RCAN1: variants seen among roughly 807,000 people sequenced by gnomAD.
RCAN1 encodes regulator of calcineurin 1, also known as calcipressin-1.
Under a neutral mutation model 22.9 loss-of-function variants are expected in RCAN1, and 11 were observed. The observed-to-expected ratio is 0.48, with a 90% CI of 0.30 to 0.79. The LOEUF is 0.79. Among genes scored for constraint, RCAN1 ranks in the 30% least tolerant of loss-of-function variants. The probability of loss-of-function intolerance (pLI) is 0.06; values close to 1 mark genes in which losing one functional copy is unlikely to be tolerated. For synonymous variants in RCAN1, 136 were observed against 142.3 expected, an observed-to-expected ratio of 0.96 and a Z score of 0.32; for missense variants, 291 against 337.8, an observed-to-expected ratio of 0.86 and a Z score of 1.09.
intron 1 of RCAN1, chr21:34,525,393 G>A (rs1984973365): frequency 6.9e-7 from 1 of 1,446,630 alleles, no homozygotes; most frequent in Non-Finnish European, 9.1e-7. Flanking sequence ...GGAACGCGGA[G>A]CTGGCGGACG....
rs143232220 is a variant in RCAN1 at position 34,527,618 on chromosome 21, A to G, written c.253-3908T>C. Among the ~76,000 whole-genome samples, 745 of 152,318 alleles carry G rather than the reference A, an allele frequency of 4.9e-3. 13 individuals are homozygous for G. Among genetic ancestry groups the G allele is most frequent in the African/African-American group, 0.017 (698 of 41,566 alleles). Reference sequence around the variant, plus strand: ...TTTCAAAGCACTACTGAATTCAGGCAAAGGATACAAAAACACTAGCCTTTG... The same window carrying G: ...TTTCAAAGCACTACTGAATTCAGGCGAAGGATACAAAAACACTAGCCTTTG... On this transcript the variant is annotated intron_variant, in intron 1 of 3. Coordinates refer to ENST00000313806, the MANE Select transcript of RCAN1 (RefSeq NM_004414.7).
At chr21:34,605,786 G>A (rs1988505133) in intron 1 of RCAN1, among the ~76,000 whole-genome samples, 1 of 152,076 alleles carries the variant, frequency 6.6e-6, no homozygotes, top group African/African-American at 2.4e-5. Context: ...CGGGCGTGGT[G>A]GCAGGCACCT....
chr21:34,575,303 T>C (rs192919631), intron 1 of RCAN1, among the ~76,000 whole-genome samples: 48 of 152,302 alleles, frequency 3.2e-4, no homozygotes, highest in Non-Finnish European at 3.4e-4. Context: ...GCTCATTTGC[T>C]AGTAGCAGCA....
intron 1 of RCAN1, among the ~76,000 whole-genome samples, chr21:34,584,498 C>T (rs1987723553): frequency 6.6e-6 from 1 of 152,208 alleles, no homozygotes; most frequent in African/African-American, 2.4e-5. Flanking sequence ...ATACATCCCT[C>T]TTGCAAAAAA....
intron 1 of RCAN1, among the ~76,000 whole-genome samples, chr21:34,544,448 G>A (rs568194806): frequency 1.3e-4 from 20 of 152,258 alleles, no homozygotes; most frequent in African/African-American, 4.3e-4. Flanking sequence ...AGACAGGAAC[G>A]CAGCCCAGGA....
chr21:34,588,146 G>A (rs186638354), intron 1 of RCAN1, among the ~76,000 whole-genome samples: 7 of 152,232 alleles, frequency 4.6e-5, no homozygotes, highest in Non-Finnish European at 8.8e-5. Flanking sequence ...TCTGGAGAAC[G>A]CTGTAGTCAA....
At chr21:34,530,577 C>T (rs1229888808) in intron 1 of RCAN1, among the ~76,000 whole-genome samples, 2 of 140,580 alleles carry the variant, frequency 1.4e-5, no homozygotes, top group Admixed American at 7.1e-5. Context: ...ATGACAGTTA[C>T]ATTTTATTTC....
intron 1 of RCAN1, among the ~76,000 whole-genome samples, chr21:34,538,928 G>C (rs1185289169): frequency 6.6e-6 from 1 of 152,174 alleles, no homozygotes. Context: ...GGAATTAGAA[G>C]GCTCCAGACT....
rs1450659499 is a variant in RCAN1 at position 34,562,873 on chromosome 21, C to T, written c.253-39163G>A. ...ACGCACAGTAGGATATTCTTATCTA[C>T]GATAATCAGAGATCCTATTCATGTT... On this transcript the variant is annotated intron_variant, in intron 1 of 3. Coordinates refer to ENST00000313806, the MANE Select transcript of RCAN1 (RefSeq NM_004414.7). 9.9e-5 allele frequency among the ~76,000 whole-genome samples: 15 copies of T among 152,284 alleles called. No individual in the cohort carries two copies. The East Asian group carries it at 2.3e-3, about 23-fold the overall frequency.
chr21:34,551,582 G>A (rs527598956), intron 1 of RCAN1, among the ~76,000 whole-genome samples: 1 of 152,234 alleles, frequency 6.6e-6, no homozygotes, highest in East Asian at 1.9e-4. Flanking sequence ...AAATACAGCT[G>A]CTGAAGTTTC....
At chr21:34,581,408 G>A (rs1230481704) in intron 1 of RCAN1, among the ~76,000 whole-genome samples, 1 of 152,148 alleles carries the variant, frequency 6.6e-6, no homozygotes, top group East Asian at 1.9e-4. Context: ...TCAGAGAGCT[G>A]AAAAATGAAT....
chr21:34,576,574 A>T (rs1215331658), intron 1 of RCAN1, among the ~76,000 whole-genome samples: 1 of 152,216 alleles, frequency 6.6e-6, no homozygotes, highest in Non-Finnish European at 1.5e-5. Context: ...TAAAAATAAA[A>T]CGCAAATCAG....
intron 1 of RCAN1, chr21:34,613,874 C>A: frequency 3.6e-6 from 5 of 1,398,260 alleles, no homozygotes; most frequent in East Asian, 2.7e-5. Context: ...CACAGCCAAG[C>A]GCTGAAAGCA....
At chr21:34,525,922 C>A (rs565409523) in intron 1 of RCAN1, among the ~76,000 whole-genome samples, 1 of 152,028 alleles carries the variant, frequency 6.6e-6, no homozygotes, top group East Asian at 1.9e-4. Flanking sequence ...AAGAAACCTT[C>A]GCATGTCCCA....
At position 34,521,524 on chromosome 21, in the gene RCAN1, T is replaced by C. The variant is rs371919322; in HGVS notation, c.561A>G (p.Leu187=). The change falls in exon 3 of 4, where the codon TTA becomes TTG. Residue 187 remains leucine (L), a synonymous_variant. Transcript: ENST00000313806. ...CTGGCCCCAGCTTGGAGATGGCATA[T>C]AAGAGATCATAGTTTATGACTGGGG... The part of the protein sequence containing the change: ...DATPVINYDL[L]YAISKLGPGE... 3.5e-5 allele frequency: 56 copies of C among 1,614,064 alleles called. No homozygotes were observed. The highest frequency in any genetic ancestry group is 4.6e-5 in the Non-Finnish European group (54 of 1,180,042).
chr21:34,592,476 A>G (rs1210934860), intron 1 of RCAN1, among the ~76,000 whole-genome samples: 1 of 152,214 alleles, frequency 6.6e-6, no homozygotes, highest in East Asian at 1.9e-4. Flanking sequence ...TTACAGTTCA[A>G]GCAGAGGGGA....
intron 1 of RCAN1, among the ~76,000 whole-genome samples, chr21:34,542,022 C>T (rs2834517): frequency 0.24 from 36,330 of 152,002 alleles, 5,037 homozygotes; most frequent in African/African-American, 0.38. Context: ...AAAATAAATA[C>T]ATTGGACAAA....
At chr21:34,551,577 C>T (rs1346897638) in intron 1 of RCAN1, among the ~76,000 whole-genome samples, 4 of 152,190 alleles carry the variant, frequency 2.6e-5, no homozygotes, top group African/African-American at 9.7e-5. Context: ...TTCTGAAATA[C>T]AGCTGCTGAA....
intron 1 of RCAN1, among the ~76,000 whole-genome samples, chr21:34,545,446 G>A (rs1474103325): frequency 1.3e-5 from 2 of 152,176 alleles, no homozygotes; most frequent in African/African-American, 2.4e-5. Context: ...TGTATTTTGG[G>A]CTCCTGTGGT....
Sources: gnomAD v4.1 joint callset for allele counts (sites outside exome capture counted in the v4.1 genomes callset) on GRCh38, gnomAD v4.1.1 for gene constraint, MANE v1.5 for transcripts, NCBI Gene and HGNC (gene_info 2026-07-23, HGNC 2026-07-21) for gene names.